Variants in CSMD1 observed in about 807,000 individuals in gnomAD.
CSMD1 encodes the protein CUB and Sushi multiple domains 1.
In CSMD1, 213 loss-of-function variants were observed where a neutral mutation model predicts 417.5. The observed-to-expected ratio is 0.51, with a 90% CI of 0.46 to 0.57. CSMD1 has a LOEUF of 0.57. Ranked by LOEUF, CSMD1 falls within the 20% of genes least tolerant of loss-of-function variation. The probability of loss-of-function intolerance (pLI) is 0.00; values close to 1 mark genes in which losing one functional copy is unlikely to be tolerated. For missense variants in CSMD1, 6,923 were observed against 4,529.7 expected, an observed-to-expected ratio of 1.53 and a Z score of -15.17; for synonymous variants, 2,862 against 1,736.8, an observed-to-expected ratio of 1.65 and a Z score of -16.11.
intron 3 of CSMD1, among the ~76,000 whole-genome samples, chr8:4,190,896 T>G (rs555409563): frequency 6.7e-6 from 1 of 149,804 alleles, no homozygotes; most frequent in South Asian, 2.1e-4. Flanking sequence ...GGAGCTAAAT[T>G]GTGAGAACAC....
Position 4,842,227 on chromosome 8 carries a change from G to C in CSMD1, c.85+152105C>G, listed in dbSNP as rs139619224. On this transcript the variant is annotated intron_variant, in intron 1 of 69. Coordinates refer to ENST00000635120, the MANE Select transcript of CSMD1 (RefSeq NM_033225.6). ...CAGGTGAATTGAGTGTGGGAATTAA[G>C]GGAACCAGGGAAGTCAAAGCTTATT... Among the ~76,000 whole-genome samples, 347 of 152,264 alleles carry C rather than the reference G, an allele frequency of 2.3e-3. 2 individuals are homozygous for C. Among genetic ancestry groups the C allele is most frequent in the African/African-American group, 8.0e-3 (334 of 41,558 alleles).
At chr8:3,769,675 T>C (rs1271985268) in intron 5 of CSMD1, among the ~76,000 whole-genome samples, 5 of 152,174 alleles carry the variant, frequency 3.3e-5, no homozygotes, top group Non-Finnish European at 7.4e-5. Flanking sequence ...TATATCTATA[T>C]ATATATGATG....
chr8:3,400,778 T>A (rs979488511), intron 15 of CSMD1, among the ~76,000 whole-genome samples: 2 of 151,516 alleles, frequency 1.3e-5, no homozygotes, highest in Admixed American at 6.6e-5. Context: ...AGCACTGGGA[T>A]TGCTTTATAG....
intron 57 of CSMD1, among the ~76,000 whole-genome samples, chr8:2,972,069 T>C (rs147493742): frequency 0.018 from 2,762 of 152,132 alleles, 50 homozygotes; most frequent in Non-Finnish European, 0.026. Flanking sequence ...TATGCAAATA[T>C]ATGCACAAAC....
intron 1 of CSMD1, among the ~76,000 whole-genome samples, chr8:4,763,864 A>C (rs976312887): frequency 1.3e-5 from 2 of 152,216 alleles, no homozygotes; most frequent in African/African-American, 4.8e-5. Flanking sequence ...GAACGGAAAG[A>C]AAACTAAAAT....
chr8:4,446,084 C>T (rs1254437510), intron 2 of CSMD1, among the ~76,000 whole-genome samples: 3 of 152,156 alleles, frequency 2.0e-5, no homozygotes, highest in Non-Finnish European at 4.4e-5. Flanking sequence ...CGGAAGGGCT[C>T]CGTGTTCACT....
intron 1 of CSMD1, among the ~76,000 whole-genome samples, chr8:4,800,215 G>A (rs769248674): frequency 4.3e-4 from 65 of 152,054 alleles, no homozygotes; most frequent in African/African-American, 1.5e-3. Flanking sequence ...AAGGCGGATG[G>A]ATCACCTGAG....
chr8:4,366,801 G>A (rs1802101207), intron 3 of CSMD1, among the ~76,000 whole-genome samples: 1 of 152,060 alleles, frequency 6.6e-6, no homozygotes, highest in African/African-American at 2.4e-5. Flanking sequence ...CTGCTGTGCT[G>A]CACCCATTAA....
At chr8:3,286,466 C>T (rs1449120242) in intron 25 of CSMD1, among the ~76,000 whole-genome samples, 1 of 152,280 alleles carries the variant, frequency 6.6e-6, no homozygotes, top group East Asian at 1.9e-4. Flanking sequence ...GTTCCTATTT[C>T]TCCACATCCT....
chr8:4,688,853 G>A (rs1323741371), intron 1 of CSMD1, among the ~76,000 whole-genome samples: 1 of 152,108 alleles, frequency 6.6e-6, no homozygotes, highest in Admixed American at 6.6e-5. Context: ...TGTAGACAGG[G>A]GAAATGAAGA....
rs1003386513 is a variant in CSMD1, at chr8:4,363,401, A to T, written c.415+56552T>A. 1.3e-5 allele frequency among the ~76,000 whole-genome samples: 2 copies of T among 152,188 alleles called. 1 individual carries two copies. The highest frequency in any genetic ancestry group is 2.9e-5 in the Non-Finnish European group (2 of 68,040). Reference sequence around the variant, plus strand: ...GCTTTATACGTAAGAGGGATAAAAAAATGTTCTGGCCTCCAGGATTTTATT... The same window carrying T: ...GCTTTATACGTAAGAGGGATAAAAATATGTTCTGGCCTCCAGGATTTTATT... On this transcript the variant is annotated intron_variant, in intron 3 of 69. Transcript: ENST00000635120.
chr8:3,917,734 A>C, intron 5 of CSMD1, among the ~76,000 whole-genome samples: 1 of 152,004 alleles, frequency 6.6e-6, no homozygotes, highest in Non-Finnish European at 1.5e-5. Context: ...AACCGTCACC[A>C]CTCTCAAGGC....
intron 5 of CSMD1, among the ~76,000 whole-genome samples, chr8:3,923,537 A>T (rs1256237790): frequency 6.6e-6 from 1 of 152,176 alleles, no homozygotes; most frequent in Non-Finnish European, 1.5e-5. Flanking sequence ...CGCATTTCCC[A>T]CACAGAACAG....
Position 4,940,918 on chromosome 8 carries a change from A to T in CSMD1, c.85+53414T>A, listed in dbSNP as rs569566736. ...CATTTCTTTATTCTCCAAGAGGAGA[A>T]GTGTTTGGGCAATATTTCTTTAACA... On this transcript the variant is annotated intron_variant, in intron 1 of 69. Coordinates refer to ENST00000635120, the MANE Select transcript of CSMD1 (RefSeq NM_033225.6). Among the ~76,000 whole-genome samples, 18 of 152,330 alleles carry T rather than the reference A, an allele frequency of 1.2e-4. No individual in the cohort carries two copies. In the South Asian group the frequency reaches 3.7e-3, roughly 32 times the overall value.
chr8:4,723,369 C>G (rs1431080469), intron 1 of CSMD1, among the ~76,000 whole-genome samples: 1 of 152,086 alleles, frequency 6.6e-6, no homozygotes, highest in Non-Finnish European at 1.5e-5. Flanking sequence ...GTTCGCTCAA[C>G]TCATGAAAAA....
intron 23 of CSMD1, among the ~76,000 whole-genome samples, chr8:3,332,879 C>G (rs538725434): frequency 6.6e-6 from 1 of 152,178 alleles, no homozygotes; most frequent in South Asian, 2.1e-4. Flanking sequence ...GAGCTGACAA[C>G]TGAACATGGC....
At chr8:3,776,338 C>T (rs760375360) in intron 5 of CSMD1, among the ~76,000 whole-genome samples, 8 of 152,098 alleles carry the variant, frequency 5.3e-5, no homozygotes, top group Non-Finnish European at 8.8e-5. Flanking sequence ...CACCTTGAAG[C>T]GACACTCTCC....
Position 4,324,569 on chromosome 8 carries a change from A to G in CSMD1, c.415+95384T>C, listed in dbSNP as rs562047047. On this transcript the variant is annotated intron_variant, in intron 3 of 69. Transcript: ENST00000635120. ...GTGGCCAATGCCAGGGAATAATTTCAAAGGACTGATAAACCTACTAGGAAC... is the reference window on the plus strand; with the variant it reads ...GTGGCCAATGCCAGGGAATAATTTCGAAGGACTGATAAACCTACTAGGAAC... 7.9e-5 allele frequency among the ~76,000 whole-genome samples: 12 copies of G among 152,302 alleles called. 1 individual carries two copies. In the East Asian group the frequency reaches 2.1e-3, roughly 27 times the overall value.
intron 1 of CSMD1, among the ~76,000 whole-genome samples, chr8:4,717,856 A>C (rs1447424537): frequency 6.6e-6 from 1 of 152,236 alleles, no homozygotes; most frequent in Non-Finnish European, 1.5e-5. Flanking sequence ...AAGTCCAAGA[A>C]TATTTAATAG....
Sources: allele counts gnomAD v4.1 joint callset (sites outside exome capture counted in the v4.1 genomes callset), GRCh38; gene constraint gnomAD v4.1.1; transcripts MANE v1.5; gene names NCBI Gene and HGNC (gene_info 2026-07-23, HGNC 2026-07-21).